ODAD2: variants seen among roughly 807,000 people sequenced by gnomAD.
ODAD2 encodes the protein outer dynein arm-docking complex subunit 2.
A neutral mutation model predicts 106.8 loss-of-function variants in ODAD2; 89 were observed. The ratio of observed to expected loss-of-function variants is 0.83; its 90% CI spans 0.70 to 0.99. The LOEUF (loss-of-function observed/expected upper bound fraction) is 0.99, where lower values mean the gene tolerates loss of function less well. Ranked by LOEUF, ODAD2 falls within the 50% of genes least tolerant of loss-of-function variation. ODAD2 has a pLI of 0.00. For missense variants in ODAD2, 1,168 were observed against 1,238.5 expected, an observed-to-expected ratio of 0.94 and a Z score of 0.85; for synonymous variants, 404 against 436.2, an observed-to-expected ratio of 0.93 and a Z score of 0.92.
chr10:27,895,474 G>A (rs1262973701), intron 17 of ODAD2, among the ~76,000 whole-genome samples: 1 of 152,142 alleles, frequency 6.6e-6, no homozygotes, highest in Non-Finnish European at 1.5e-5. Flanking sequence ...TTTTAGTAGA[G>A]ATGGGGTTTT....
chr10:27,910,003 T>G (rs1843887082), intron 16 of ODAD2, among the ~76,000 whole-genome samples: 1 of 152,098 alleles, frequency 6.6e-6, no homozygotes, highest in Non-Finnish European at 1.5e-5. Flanking sequence ...TTGCTAAATT[T>G]TACTTCACAA....
At chr10:27,974,385 C>T (rs1328881600) in intron 7 of ODAD2, among the ~76,000 whole-genome samples, 6 of 152,096 alleles carry the variant, frequency 3.9e-5, no homozygotes, top group East Asian at 1.9e-4. Context: ...TCTTTTATCC[C>T]GCTTGAGTTG....
In ODAD2 at chr10:27,981,689, A is replaced by T. The variant is rs1290874100; in HGVS notation, c.820-107T>A. 5.0e-6 allele frequency: 4 copies of T among 803,152 alleles called. No homozygotes were observed. The Admixed American group carries it at 8.9e-5, about 18-fold the overall frequency. 49.8% of individuals were successfully genotyped at this position (803,152 alleles called of 1,614,324 possible). A position where few individuals can be genotyped will look rare whatever the true frequency, so the allele number is the denominator to read the frequency against. ...CACGTATTATTTTCATCTCCGAAGGATCTATATGGTAGTTTTAATACAGGA... is the reference window on the plus strand; with the variant it reads ...CACGTATTATTTTCATCTCCGAAGGTTCTATATGGTAGTTTTAATACAGGA... On this transcript the variant is annotated intron_variant, in intron 6 of 19. Coordinates refer to ENST00000305242, the MANE Select transcript of ODAD2 (RefSeq NM_018076.5).
At chr10:27,973,303 G>A (rs1445905441) in intron 7 of ODAD2, among the ~76,000 whole-genome samples, 2 of 151,976 alleles carry the variant, frequency 1.3e-5, no homozygotes, top group African/African-American at 4.8e-5. Flanking sequence ...ACACCAGCCT[G>A]GCCAACATGG....
At chr10:27,819,616 G>T (rs1236136347) in intron 19 of ODAD2, among the ~76,000 whole-genome samples, 2 of 149,626 alleles carry the variant, frequency 1.3e-5, no homozygotes, top group African/African-American at 5.0e-5. Flanking sequence ...ACCAGACATA[G>T]GTGTGGTCAC....
intron 14 of ODAD2, among the ~76,000 whole-genome samples, chr10:27,937,339 CT>C (rs57375404): frequency 0.12 from 15,938 of 132,522 alleles, 1,555 homozygotes; most frequent in African/African-American, 0.31. Context: ...TTTCTTTTTT[CT>C]TTTTTTTTTT....
chr10:27,836,221 T>C (rs997382448), intron 19 of ODAD2: 2 of 152,168 alleles, frequency 1.3e-5, no homozygotes, highest in East Asian at 1.9e-4. Flanking sequence ...TGTGTGTATA[T>C]AGAAAGGTAT....
intron 19 of ODAD2, among the ~76,000 whole-genome samples, chr10:27,815,310 C>T (rs547156949): frequency 4.6e-5 from 7 of 152,304 alleles, no homozygotes; most frequent in South Asian, 2.1e-4. Flanking sequence ...CATTTAAACA[C>T]GTCTTACACA....
chr10:27,981,587 G>T lies in ODAD2; in HGVS notation c.820-5C>A. The stretch of plus-strand genomic sequence containing the variant: ...CCCTTCATCATCTGTTTTGCCCTTT[G>T]GGAAAAAACAAGTTTCATTCTATGA... On this transcript the variant is annotated splice_region_variant and splice_polypyrimidine_tract_variant and intron_variant, in intron 6 of 19. Transcript: ENST00000305242. 2 of 1,524,406 alleles carry T rather than the reference G, an allele frequency of 1.3e-6. No individual in the cohort carries two copies. Among genetic ancestry groups the T allele is most frequent in the South Asian group, 2.6e-5 (2 of 75,704 alleles). 94.4% of individuals were successfully genotyped at this position (1,524,406 alleles called of 1,614,324 possible).
At chr10:27,890,051 A>G (rs1842459544) in intron 17 of ODAD2, among the ~76,000 whole-genome samples, 1 of 152,212 alleles carries the variant, frequency 6.6e-6, no homozygotes, top group Non-Finnish European at 1.5e-5. Context: ...TTATACAAAT[A>G]AAAAATGCAT....
intron 19 of ODAD2, among the ~76,000 whole-genome samples, chr10:27,832,237 A>G (rs973938532): frequency 2.0e-5 from 3 of 152,200 alleles, no homozygotes; most frequent in East Asian, 3.8e-4. Flanking sequence ...CTGGTACACA[A>G]TGAAACTTAT....
intron 17 of ODAD2, among the ~76,000 whole-genome samples, chr10:27,871,041 G>T (rs144204949): frequency 2.6e-5 from 4 of 152,060 alleles, no homozygotes; most frequent in Admixed American, 2.6e-4. Context: ...TTTAATGATC[G>T]ACATTCTAAC....
chr10:27,906,277 T>A (rs10826364), intron 17 of ODAD2, among the ~76,000 whole-genome samples: 100,161 of 152,064 alleles, frequency 0.66, 33,378 homozygotes, highest in Middle Eastern at 0.73. Context: ...TCATCACTGG[T>A]CATTAGAGAC....
At chr10:27,819,835 A>T (rs950950248) in intron 19 of ODAD2, among the ~76,000 whole-genome samples, 1 of 7,860 alleles carries the variant, frequency 1.3e-4, no homozygotes, top group African/African-American at 3.3e-4. Context: ...TATCTCTTTA[A>T]AAAAAAAAAA....
intron 10 of ODAD2, among the ~76,000 whole-genome samples, chr10:27,957,786 A>G (rs775854627): frequency 6.6e-6 from 1 of 152,218 alleles, no homozygotes; most frequent in Non-Finnish European, 1.5e-5. Flanking sequence ...ATAGCTCTGG[A>G]CGAATAATAA....
intron 16 of ODAD2, among the ~76,000 whole-genome samples, chr10:27,909,356 T>C (rs777495854): frequency 4.6e-5 from 7 of 152,184 alleles, no homozygotes; most frequent in Non-Finnish European, 4.4e-5. Flanking sequence ...AATTTCACAA[T>C]TAACTTTAAA....
At chr10:27,903,525 T>C (rs541053791) in intron 17 of ODAD2, among the ~76,000 whole-genome samples, 4 of 133,724 alleles carry the variant, frequency 3.0e-5, no homozygotes, top group Admixed American at 2.5e-4. Context: ...TGTTTGCAGA[T>C]GGCATGATTG....
At chr10:27,899,023 T>C (rs1367141700) in intron 17 of ODAD2, among the ~76,000 whole-genome samples, 2 of 152,098 alleles carry the variant, frequency 1.3e-5, no homozygotes, top group East Asian at 1.9e-4. Flanking sequence ...CTAGGCAAGA[T>C]GGCCAAATAG....
At chr10:27,983,540 C>A (rs1849687165) in intron 6 of ODAD2, among the ~76,000 whole-genome samples, 1 of 152,128 alleles carries the variant, frequency 6.6e-6, no homozygotes, top group African/African-American at 2.4e-5. Flanking sequence ...TTTGACCTTT[C>A]TATCATTTGG....
Sources: allele counts gnomAD v4.1 joint callset (sites outside exome capture counted in the v4.1 genomes callset), GRCh38; gene constraint gnomAD v4.1.1; transcripts MANE v1.5; gene names NCBI Gene and HGNC (gene_info 2026-07-23, HGNC 2026-07-21).